The following CCDC27 variants were observed in gnomAD, a reference collection of about 807,000 sequenced individuals.
CCDC27 encodes coiled-coil domain-containing protein 27.
In CCDC27, 80 loss-of-function variants were observed where a neutral mutation model predicts 80.3. The ratio of observed to expected loss-of-function variants is 1.00; its 90% confidence interval spans 0.83 to 1.20. The LOEUF (loss-of-function observed/expected upper bound fraction) is 1.20, where lower values mean the gene tolerates loss of function less well. CCDC27 is among the 50% of genes most tolerant of loss of function. The pLI, the probability that CCDC27 is intolerant of heterozygous loss-of-function variation, is 0.00. For missense variants in CCDC27, 815 were observed against 809.4 expected (o/e 1.01, Z -0.08); for synonymous variants, 342 against 334.3 (o/e 1.02, Z -0.25).
intron 8 of CCDC27, among the ~76,000 whole-genome samples, chr1:3,764,581 C>T (rs1317922039): frequency 4.6e-5 from 7 of 152,166 alleles, no homozygotes; most frequent in African/African-American, 1.7e-4. Flanking sequence ...ATCATTAGGA[C>T]AGTTATTTGT....
chr1:3,771,323 C>A, intron 11 of CCDC27, 78 bp from the exon 12 acceptor site: 1 of 1,589,708 alleles, frequency 6.3e-7, no homozygotes, highest in Non-Finnish European at 8.6e-7. Flanking sequence ...GGGCAGCTGG[C>A]ACGGACTGTG....
rs1643050622 is a variant in CCDC27, at chr1:3,760,072, A to G, written c.712-1209A>G. Among the ~76,000 whole-genome samples the G allele has an allele frequency of 6.6e-6, 1 of 152,218 alleles. No homozygotes were observed. The highest frequency in any genetic ancestry group is 1.5e-5 in the Non-Finnish European group (1 of 68,036). On this transcript the variant is annotated intron_variant, in intron 4 of 11. Transcript: ENST00000294600. The surrounding 1 kb of genome is among the most constrained non-coding windows in gnomAD (Gnocchi z 4.3). ...GAGCCACCTGCAGCAACAAGTTTGC[A>G]GCTGGCATTGTGTGAACTCGGCAGC...
At chr1:3,762,038 C>T (rs921108368) in intron 5 of CCDC27, among the ~76,000 whole-genome samples, 90 of 152,232 alleles carry the variant, frequency 5.9e-4, no homozygotes, top group Admixed American at 3.9e-3. Context: ...TAGGTGTGGG[C>T]AGAGGACTGG....
At position 3,768,394 on chromosome 1, in the gene CCDC27, G is replaced by C. The variant is rs1295370565; in HGVS notation, c.1743+949G>C. On this transcript the variant is annotated intron_variant, in intron 10 of 11. Transcript: ENST00000294600. The surrounding 1 kb of genome is among the most constrained non-coding windows in gnomAD (Gnocchi z 5.6). ...ATACAGGTGTGAGCTACCGTGCCTG[G>C]CCCTGACCTTGATTTAGAATCCAAA... Among the ~76,000 whole-genome samples, 1 of 152,134 alleles carries C rather than the reference G, an allele frequency of 6.6e-6. No homozygotes were observed. The highest frequency in any genetic ancestry group is 2.4e-5 in the African/African-American group (1 of 41,410).
intron 4 of CCDC27, chr1:3,757,158 C>T: frequency 3.1e-6 from 1 of 319,878 alleles, no homozygotes; most frequent in Non-Finnish European, 5.9e-6. Flanking sequence ...CACATCTTTG[C>T]ACCCACAGTA....
chr1:3,767,538 G>T, intron 10 of CCDC27, 93 bp downstream of exon 10: 5 of 1,146,622 alleles, frequency 4.4e-6, no homozygotes, highest in South Asian at 3.0e-5. Context: ...TAGAACCGGG[G>T]TCTGTGTACG....
At position 3,769,795 on chromosome 1, in the gene CCDC27, A is replaced by G. The variant is rs28620468; in HGVS notation, c.1756A>G (p.Arg586Gly). 1.9e-6 allele frequency: 3 copies of G among 1,613,828 alleles called. No homozygotes were observed. Among genetic ancestry groups the G allele is most frequent in the Non-Finnish European group, 2.5e-6 (3 of 1,179,752 alleles). Residue 586 changes from arginine to glycine, a missense_variant, in exon 11 of 12, where the codon AGG (arginine) becomes GGG (glycine). Physicochemically the swap from Arg to Gly is moderately radical, Grantham distance 125. Coordinates refer to ENST00000294600, the MANE Select transcript of CCDC27 (RefSeq NM_152492.3). This position sits in a 1 kb window ranked among gnomAD's most constrained non-coding sequence, Gnocchi z 4.6. Reference protein sequence around the residue: ...ESSQSRLERLRNKIIQATFSI... With the variant: ...ESSQSRLERLGNKIIQATFSI... ...CCTTTGCTCACAGCTCGAGAGGTTA[A>G]GGAATAAGATCATCCAGGCCACCTT...
At chr1:3,755,926 G>A (rs1642941577) in intron 3 of CCDC27, 2 of 226,568 alleles carry the variant, frequency 8.8e-6, no homozygotes, top group South Asian at 1.6e-4. Context: ...TTTACCAAGA[G>A]GAAATTCCCA....
rs1430201663 is a variant in CCDC27, at chr1:3,767,315, A to C, written c.1613A>C (p.Glu538Ala). The C allele has an allele frequency of 6.2e-7, 1 of 1,613,888 alleles. No individual in the cohort carries two copies. Among genetic ancestry groups the C allele is most frequent in the Non-Finnish European group, 8.5e-7 (1 of 1,179,998 alleles). ...GACACCAAGGTCAGCCAGCTGCAGG[A>C]GCAGGTGGAACTGGACCAGAACCAC... ...ELDTKVSQLQ[E>A]QVELDQNHLQ... is the part of the protein sequence containing the mutation. The change falls in exon 10 of 12, where the codon GAG (glutamate) becomes GCG (alanine). Residue 538 changes from glutamate (E) to alanine (A), a missense_variant. Transcript: ENST00000294600.
chr1:3,770,591 C>T (rs770819281), intron 11 of CCDC27, among the ~76,000 whole-genome samples: 1 of 152,220 alleles, frequency 6.6e-6, no homozygotes, highest in Admixed American at 6.5e-5. Context: ...GGTCACCTCT[C>T]ACCAGGAGCT....
chr1:3,767,283 A>C lies in CCDC27; in HGVS notation c.1581A>C (p.Ser527=), dbSNP rs1412152229. 4.3e-6 allele frequency: 7 copies of C among 1,614,048 alleles called. No homozygotes were observed. The highest frequency in any genetic ancestry group is 5.1e-6 in the Non-Finnish European group (6 of 1,179,968). ...RKLTKRDCVI[S]ELDTKVSQLQ... ...TCACCAAGCGGGACTGTGTCATCTC[A>C]GAGTTGGACACCAAGGTCAGCCAGC... The change falls in exon 10 of 12, where the codon TCA becomes TCC. Residue 527 remains serine (S), a synonymous_variant. Coordinates refer to ENST00000294600, the MANE Select transcript of CCDC27 (RefSeq NM_152492.3).
chr1:3,757,537 G>A (rs1387612331), intron 4 of CCDC27, among the ~76,000 whole-genome samples: 1 of 151,896 alleles, frequency 6.6e-6, no homozygotes. Flanking sequence ...AGCTCCCTGA[G>A]CTCAAGCAAT....
chr1:3,760,962 G>T lies in CCDC27; in HGVS notation c.712-319G>T, dbSNP rs1262284825. Among the ~76,000 whole-genome samples, 1 of 152,142 alleles carries T rather than the reference G, an allele frequency of 6.6e-6. No homozygotes were observed. The highest frequency in any genetic ancestry group is 1.5e-5 in the Non-Finnish European group (1 of 68,022). The stretch of plus-strand genomic sequence containing the variant: ...CTGGTGTCCTGTGGTATAGTGGGGT[G>T]CAGGGACACACCACGGGCCAGGTCC... On this transcript the variant is annotated intron_variant, in intron 4 of 11. Transcript: ENST00000294600. The surrounding 1 kb of genome is among the most constrained non-coding windows in gnomAD (Gnocchi z 4.3).
At chr1:3,765,274 A>G (rs559371948) in intron 8 of CCDC27, among the ~76,000 whole-genome samples, 6 of 152,060 alleles carry the variant, frequency 3.9e-5, no homozygotes, top group Non-Finnish European at 7.3e-5. Flanking sequence ...AAGTTGTAAG[A>G]TCCTATCTTT....
At position 3,763,908 on chromosome 1, in the gene CCDC27, C is replaced by G; in HGVS notation, c.1452+72C>G. On this transcript the variant is annotated intron_variant, in intron 8 of 11. Coordinates refer to ENST00000294600, the MANE Select transcript of CCDC27 (RefSeq NM_152492.3). This position sits in a 1 kb window ranked among gnomAD's most constrained non-coding sequence, Gnocchi z 7.5. ...CAGGCTTCATTAACCCCCGGCAGCTCGGGGCAGGCGCTGCCCGTCCCATCT... is the reference window on the plus strand; with the variant it reads ...CAGGCTTCATTAACCCCCGGCAGCTGGGGGCAGGCGCTGCCCGTCCCATCT... 1 of 1,562,864 alleles carries G rather than the reference C, an allele frequency of 6.4e-7. No homozygotes were observed. Among genetic ancestry groups the G allele is most frequent in the Non-Finnish European group, 8.7e-7 (1 of 1,151,382 alleles).
intron 1 of CCDC27, 152 bp downstream of exon 1, chr1:3,752,951 T>A (rs1406531148): frequency 1.1e-6 from 1 of 909,516 alleles, no homozygotes; most frequent in Non-Finnish European, 1.7e-6. Context: ...GGCAACGAAT[T>A]GAGCGCTAGG....
chr1:3,761,130 T>C lies in CCDC27; in HGVS notation c.712-151T>C. Reference sequence around the variant, plus strand: ...CTCCAGATGTGTAGTGCTAGCTCTTTACCGCAGTACCTATCTTGAAATCCC... The same window carrying C: ...CTCCAGATGTGTAGTGCTAGCTCTTCACCGCAGTACCTATCTTGAAATCCC... On this transcript the variant is annotated intron_variant, in intron 4 of 11. Coordinates refer to ENST00000294600, the MANE Select transcript of CCDC27 (RefSeq NM_152492.3). The surrounding 1 kb of genome is among the most constrained non-coding windows in gnomAD (Gnocchi z 5.0). The C allele has an allele frequency of 1.2e-6, 1 of 817,768 alleles. No homozygotes were observed. The highest frequency in any genetic ancestry group is 1.9e-6 in the Non-Finnish European group (1 of 520,120). 50.7% of individuals were successfully genotyped at this position (817,768 alleles called of 1,614,324 possible).
At position 3,766,966 on chromosome 1, in the gene CCDC27, G is replaced by C. The variant is rs546904184; in HGVS notation, c.1531-267G>C. ...AGTGATTCTCCTGCCTCAGTCTCCC[G>C]AGTAGCTGGGACTACCAGCACTTGC... On this transcript the variant is annotated intron_variant, in intron 9 of 11. Coordinates refer to ENST00000294600, the MANE Select transcript of CCDC27 (RefSeq NM_152492.3). This position sits in a 1 kb window ranked among gnomAD's most constrained non-coding sequence, Gnocchi z 6.1. 1.3e-5 allele frequency among the ~76,000 whole-genome samples: 2 copies of C among 149,314 alleles called. No individual in the cohort carries two copies. The highest frequency in any genetic ancestry group is 4.3e-4 in the South Asian group (2 of 4,628).
chr1:3,767,265 G>A lies in CCDC27; in HGVS notation c.1563G>A (p.Lys521=). Residue 521 remains lysine (K), a synonymous_variant, in exon 10 of 12, where the codon AAG becomes AAA. Coordinates refer to ENST00000294600, the MANE Select transcript of CCDC27 (RefSeq NM_152492.3). Reference sequence around the variant, plus strand: ...CGGAACTGGAGAGAAAGCTCACCAAGCGGGACTGTGTCATCTCAGAGTTGG... The same window carrying A: ...CGGAACTGGAGAGAAAGCTCACCAAACGGGACTGTGTCATCTCAGAGTTGG... ...QVSELERKLT[K]RDCVISELDT... 6.2e-7 allele frequency: 1 copy of A among 1,614,080 alleles called. No homozygotes were observed. The highest frequency in any genetic ancestry group is 8.5e-7 in the Non-Finnish European group (1 of 1,180,026).
Sources: gnomAD v4.1 joint callset for allele counts (sites outside exome capture counted in the v4.1 genomes callset) on GRCh38, gnomAD v4.1.1 for gene constraint, Gnocchi (gnomAD v3.1) non-coding constraint, MANE v1.5 for transcripts, NCBI Gene and HGNC (gene_info 2026-07-23, HGNC 2026-07-21) for gene names.